PTPRM: variants seen among roughly 807,000 people sequenced by gnomAD.
PTPRM encodes the protein receptor-type tyrosine-protein phosphatase mu.
Under a neutral mutation model 186.7 loss-of-function variants are expected in PTPRM, and 47 were observed. The observed-to-expected ratio is 0.25, with a 90% confidence interval of 0.20 to 0.32. The LOEUF (loss-of-function observed/expected upper bound fraction) is 0.32. Among genes scored for constraint, PTPRM ranks in the 10% least tolerant of loss-of-function variants. The probability of loss-of-function intolerance (pLI) is 1.00; values close to 1 mark genes in which losing one functional copy is unlikely to be tolerated. For synonymous variants in PTPRM, 668 were observed against 674.9 expected, an observed-to-expected ratio of 0.99 and a Z score of 0.16; for missense variants, 1,494 against 1,865.0, an observed-to-expected ratio of 0.80 and a Z score of 3.66.
At chr18:7,641,006 T>C (rs1044157607) in intron 1 of PTPRM, among the ~76,000 whole-genome samples, 1 of 152,108 alleles carries the variant, frequency 6.6e-6, no homozygotes, top group Non-Finnish European at 1.5e-5. Flanking sequence ...CTGCTAAAAA[T>C]TTAGAATTTT....
At chr18:7,856,613 A>T (rs1243176857) in intron 2 of PTPRM, among the ~76,000 whole-genome samples, 1 of 151,930 alleles carries the variant, frequency 6.6e-6, no homozygotes, top group East Asian at 1.9e-4. Flanking sequence ...ATGTGGTGGC[A>T]CATGTCTATG....
chr18:7,660,568 G>A (rs1198829776), intron 1 of PTPRM, among the ~76,000 whole-genome samples: 1 of 152,032 alleles, frequency 6.6e-6, no homozygotes, highest in African/African-American at 2.4e-5. Flanking sequence ...TGCTGGATTG[G>A]GGCCGGTGGG....
At chr18:7,984,038 T>C (rs2082698792) in intron 7 of PTPRM, among the ~76,000 whole-genome samples, 1 of 152,186 alleles carries the variant, frequency 6.6e-6, no homozygotes. Flanking sequence ...GAATATGGTG[T>C]GTTCTGGAAA....
At chr18:8,134,440 A>G (rs970752131) in intron 13 of PTPRM, among the ~76,000 whole-genome samples, 10 of 152,166 alleles carry the variant, frequency 6.6e-5, no homozygotes, top group African/African-American at 1.9e-4. Flanking sequence ...CTTCTCCTGC[A>G]TTAGATAAAT....
chr18:7,928,683 A>G (rs540910456), intron 5 of PTPRM, among the ~76,000 whole-genome samples: 1 of 152,170 alleles, frequency 6.6e-6, no homozygotes, highest in Non-Finnish European at 1.5e-5. Context: ...TACTATATTA[A>G]GTCTAGAGAA....
chr18:8,256,568 T>C (rs2094576606), intron 19 of PTPRM, among the ~76,000 whole-genome samples: 1 of 152,208 alleles, frequency 6.6e-6, no homozygotes, highest in African/African-American at 2.4e-5. Context: ...TTCGTTATAC[T>C]GAGGTTTCAG....
chr18:7,577,687 A>C (rs2036724641), intron 1 of PTPRM, among the ~76,000 whole-genome samples: 1 of 152,068 alleles, frequency 6.6e-6, no homozygotes, highest in African/African-American at 2.4e-5. Context: ...TACTTCCTCA[A>C]CTTCTGAAGT....
intron 4 of PTPRM, among the ~76,000 whole-genome samples, chr18:7,910,251 C>T (rs1286319900): frequency 3.3e-5 from 5 of 152,188 alleles, no homozygotes; most frequent in African/African-American, 9.7e-5. Flanking sequence ...CAACATCCCC[C>T]AAAAGACCCA....
intron 14 of PTPRM, among the ~76,000 whole-genome samples, chr18:8,169,002 T>C (rs1434376230): frequency 6.6e-6 from 1 of 152,198 alleles, no homozygotes; most frequent in Non-Finnish European, 1.5e-5. Flanking sequence ...AGAAGTTAAA[T>C]TAAATATATT....
intron 22 of PTPRM, among the ~76,000 whole-genome samples, chr18:8,331,453 A>G (rs2095411909): frequency 6.6e-6 from 1 of 152,226 alleles, no homozygotes; most frequent in African/African-American, 2.4e-5. Context: ...CCCCACTAAA[A>G]GAAGATAGGC....
intron 5 of PTPRM, among the ~76,000 whole-genome samples, chr18:7,944,488 C>T (rs978513641): frequency 6.6e-6 from 1 of 152,208 alleles, no homozygotes; most frequent in African/African-American, 2.4e-5. Context: ...AAGGTCCTTC[C>T]ATTCCCAGCA....
intron 24 of PTPRM, among the ~76,000 whole-genome samples, chr18:8,374,190 A>G (rs2148475202): frequency 6.6e-6 from 1 of 152,282 alleles, no homozygotes; most frequent in Non-Finnish European, 1.5e-5. Context: ...CTTTCCAGAA[A>G]CTGATATTTA....
Position 8,376,543 on chromosome 18 carries a change from C to T in PTPRM, c.3408C>T (p.Ile1136=), listed in dbSNP as rs372405061. Residue 1136 remains isoleucine (I), a synonymous_variant, in exon 26 of 33, where the codon ATC becomes ATT. Transcript: ENST00000580170. ...DMAEREGVVD[I]YNCVRELRSR... is the part of the protein sequence containing the mutation. The stretch of plus-strand genomic sequence containing the variant: ...CCGAAAGGGAAGGGGTCGTAGACAT[C>T]TACAACTGCGTCAGGGAGCTGCGGT... 2 of 1,613,972 alleles carry T rather than the reference C, an allele frequency of 1.2e-6. No homozygotes were observed.
chr18:8,378,929 G>A (rs1034955500), intron 27 of PTPRM, among the ~76,000 whole-genome samples: 1 of 152,126 alleles, frequency 6.6e-6, no homozygotes, highest in Non-Finnish European at 1.5e-5. Context: ...CTTAATTCTA[G>A]GGACCCACAG....
At chr18:7,873,443 T>C (rs2048075594) in intron 2 of PTPRM, among the ~76,000 whole-genome samples, 1 of 152,212 alleles carries the variant, frequency 6.6e-6, no homozygotes, top group Non-Finnish European at 1.5e-5. Context: ...CTGTGTGACC[T>C]TAGGGAAGTT....
At position 8,266,195 on chromosome 18, in the gene PTPRM, C is replaced by T. The variant is rs9965346; in HGVS notation, c.2754+12781C>T. Among the ~76,000 whole-genome samples the T allele has an allele frequency of 4.3e-3, 660 of 152,176 alleles. 6 individuals are homozygous for T. Among genetic ancestry groups the T allele is most frequent in the African/African-American group, 0.015 (640 of 41,506 alleles). On this transcript the variant is annotated intron_variant, in intron 19 of 32. Transcript: ENST00000580170. The stretch of plus-strand genomic sequence containing the variant: ...AGATGATAAGGTTATAGTATTAGCA[C>T]ACTTTTGTATCAAGTTCTCACAGTG...
intron 2 of PTPRM, among the ~76,000 whole-genome samples, chr18:7,790,885 A>C (rs987043535): frequency 5.9e-5 from 9 of 152,162 alleles, no homozygotes; most frequent in Non-Finnish European, 1.0e-4. Flanking sequence ...CTAACTCTTA[A>C]TAATTGAAAA....
chr18:8,195,569 A>G (rs1333793542), intron 14 of PTPRM, among the ~76,000 whole-genome samples: 1 of 152,224 alleles, frequency 6.6e-6, no homozygotes, highest in Admixed American at 6.5e-5. Context: ...TTAAAGACTG[A>G]AAGAAGTCAT....
chr18:8,096,263 A>C (rs1218092896), intron 11 of PTPRM, among the ~76,000 whole-genome samples: 9 of 152,212 alleles, frequency 5.9e-5, no homozygotes, highest in African/African-American at 2.2e-4. Flanking sequence ...GTTTTTTATC[A>C]TACTGCTTTG....
Sources: gnomAD v4.1 joint callset for allele counts (sites outside exome capture counted in the v4.1 genomes callset) on GRCh38, gnomAD v4.1.1 for gene constraint, MANE v1.5 for transcripts, NCBI Gene and HGNC (gene_info 2026-07-23, HGNC 2026-07-21) for gene names.